AKAP19: variants seen among roughly 807,000 people sequenced by gnomAD.
The protein encoded by AKAP19 is A-kinase anchoring protein 19.
At chr2:190,136,955 C>T in the AKAP19 span, among the ~76,000 whole-genome samples, 1 of 152,194 alleles carries the variant, frequency 6.6e-6, no homozygotes, top group South Asian at 2.1e-4. Context: ...ATGGTAAAAG[C>T]TCCTTTGAGG....
At chr2:190,130,101 G>A in the AKAP19 span, among the ~76,000 whole-genome samples, 3 of 152,126 alleles carry the variant, frequency 2.0e-5, no homozygotes, top group Admixed American at 2.0e-4. Context: ...AACCAGGGCA[G>A]GCTAAGTGAC....
chr2:190,073,092 A>T, the AKAP19 span, among the ~76,000 whole-genome samples: 1 of 152,170 alleles, frequency 6.6e-6, no homozygotes, highest in Non-Finnish European at 1.5e-5. Context: ...TAATTTATCA[A>T]TATAAAGAAT....
At chr2:190,125,020 CACA>C in the AKAP19 span, among the ~76,000 whole-genome samples, 2 of 152,162 alleles carry the variant, frequency 1.3e-5, no homozygotes, top group African/African-American at 2.4e-5. Flanking sequence ...GGCAGTAACA[CACA>C]TGGAGCTGTC....
the AKAP19 span, among the ~76,000 whole-genome samples, chr2:190,058,159 C>T: frequency 1.3e-5 from 2 of 151,992 alleles, no homozygotes; most frequent in Non-Finnish European, 2.9e-5. Context: ...AGGACAAATT[C>T]AGAAGAAGAG....
At chr2:190,024,146 T>C in the AKAP19 span, among the ~76,000 whole-genome samples, 1 of 151,838 alleles carries the variant, frequency 6.6e-6, no homozygotes, top group Non-Finnish European at 1.5e-5. Context: ...TCTGACACCA[T>C]GGTGGTCATG....
the AKAP19 span, among the ~76,000 whole-genome samples, chr2:190,113,134 T>A: frequency 6.6e-6 from 1 of 152,178 alleles, no homozygotes; most frequent in African/African-American, 2.4e-5. Flanking sequence ...TGTAAGTCTT[T>A]CAGCTATTTT....
the AKAP19 span, among the ~76,000 whole-genome samples, chr2:190,191,434 C>T: frequency 1.3e-5 from 2 of 152,174 alleles, no homozygotes; most frequent in African/African-American, 2.4e-5. Context: ...CATGCGCCAC[C>T]GTCCCCAGCC....
the AKAP19 span, among the ~76,000 whole-genome samples, chr2:190,004,895 C>T: frequency 6.6e-6 from 1 of 152,208 alleles, no homozygotes; most frequent in East Asian, 1.9e-4. Context: ...ATTAGGCATA[C>T]CACTCTGGGC....
At chr2:189,890,285 A>G in the AKAP19 span, among the ~76,000 whole-genome samples, 1 of 152,184 alleles carries the variant, frequency 6.6e-6, no homozygotes, top group Admixed American at 6.5e-5. Flanking sequence ...GTGGTCTGAG[A>G]GACAGTTTGT....
the AKAP19 span, among the ~76,000 whole-genome samples, chr2:189,983,249 T>A: frequency 7.8e-4 from 119 of 152,278 alleles, no homozygotes; most frequent in Non-Finnish European, 1.5e-3. Context: ...TGTTGCTGCA[T>A]GCTACAGATG....
the AKAP19 span, chr2:190,200,115 T>C: frequency 6.2e-7 from 1 of 1,613,898 alleles, no homozygotes; most frequent in African/African-American, 1.3e-5. Flanking sequence ...TCAAGTACCA[T>C]GACATTCCAT....
the AKAP19 span, among the ~76,000 whole-genome samples, chr2:190,042,293 G>C: frequency 2.0e-5 from 3 of 152,070 alleles, no homozygotes; most frequent in African/African-American, 4.8e-5. Context: ...AGGTTTTCTA[G>C]TTTGTGTGCA....
the AKAP19 span, among the ~76,000 whole-genome samples, chr2:190,145,070 A>T: frequency 1.3e-5 from 2 of 152,186 alleles, no homozygotes; most frequent in African/African-American, 4.8e-5. Context: ...GAATTGCTTG[A>T]GCCCAGGAGT....
At chr2:190,015,006 C>T in the AKAP19 span, among the ~76,000 whole-genome samples, 1 of 152,168 alleles carries the variant, frequency 6.6e-6, no homozygotes, top group Non-Finnish European at 1.5e-5. Flanking sequence ...CAGCCCACCT[C>T]CCAGCTGCTT....
At chr2:190,091,526 G>A in the AKAP19 span, among the ~76,000 whole-genome samples, 1 of 55,886 alleles carries the variant, frequency 1.8e-5, no homozygotes, top group East Asian at 4.0e-4. Context: ...TATCAAATTA[G>A]TAGTTTATCC....
At chr2:190,023,228 A>G in the AKAP19 span, among the ~76,000 whole-genome samples, 11 of 152,310 alleles carry the variant, frequency 7.2e-5, no homozygotes, top group South Asian at 2.3e-3. Flanking sequence ...CACATTAAAC[A>G]CAATAAACAA....
At chr2:189,942,819 A>G in the AKAP19 span, among the ~76,000 whole-genome samples, 3 of 152,360 alleles carry the variant, frequency 2.0e-5, no homozygotes, top group Non-Finnish European at 4.4e-5. Flanking sequence ...TTTGGACTTC[A>G]TAGTGATGAT....
chr2:190,190,681 G>A, the AKAP19 span, among the ~76,000 whole-genome samples: 1 of 152,096 alleles, frequency 6.6e-6, no homozygotes, highest in East Asian at 1.9e-4. Context: ...CAATATATGC[G>A]TTGCATGTCC....
At chr2:189,949,663 C>T in the AKAP19 span, among the ~76,000 whole-genome samples, 6 of 123,396 alleles carry the variant, frequency 4.9e-5, no homozygotes, top group Non-Finnish European at 9.6e-5. Flanking sequence ...AGAGATGAGT[C>T]TCACTCTCAC....
Sources: gnomAD v4.1 joint callset for allele counts (sites outside exome capture counted in the v4.1 genomes callset) on GRCh38, gnomAD v4.1.1 for gene constraint, MANE v1.5 for transcripts, NCBI Gene and HGNC (gene_info 2026-07-23, HGNC 2026-07-21) for gene names.